Variants in GREB1 observed in about 807,000 individuals in gnomAD.
The protein encoded by GREB1 is growth regulating estrogen receptor binding 1.
A neutral mutation model predicts 200.7 loss-of-function variants in GREB1; 106 were observed. That is an observed-to-expected ratio of 0.53 (90% CI 0.45 to 0.62). The LOEUF (loss-of-function observed/expected upper bound fraction) is 0.62. Among genes scored for constraint, GREB1 ranks in the 20% least tolerant of loss-of-function variants. The pLI is 0.00. For synonymous variants in GREB1, 1,132 were observed against 1,092.4 expected (o/e 1.04, Z -0.72); for missense variants, 2,243 against 2,556.8 (o/e 0.88, Z 2.65).
At chr2:11,550,193 G>C (rs929434041) in intron 1 of GREB1, among the ~76,000 whole-genome samples, 1 of 152,042 alleles carries the variant, frequency 6.6e-6, no homozygotes, top group African/African-American at 2.4e-5. Context: ...CTCCAGTCTG[G>C]GAAACAAGAG....
rs1424943398 is a variant in GREB1 at position 11,598,742 on chromosome 2, G to A, written c.2215G>A (p.Val739Ile). 7 of 1,614,076 alleles carry A rather than the reference G, an allele frequency of 4.3e-6. No individual in the cohort carries two copies. The Admixed American group carries it at 8.3e-5, about 19-fold the overall frequency. The change falls in exon 15 of 33, where the codon GTT (valine) becomes ATT (isoleucine). Residue 739 changes from valine (V) to isoleucine (I), a missense_variant. Physicochemically the swap from Val to Ile is conservative, Grantham distance 29. Transcript: ENST00000381486. The part of the protein sequence containing the change: ...HMTKQRVEQY[V>I]LKLDTEAQTK... ...GACGAAGCAGAGGGTGGAACAGTAT[G>A]TTCTGAAGCTAGACACGGAGGCACA...
chr2:11,538,690 C>CT (rs1674441044), intron 1 of GREB1, among the ~76,000 whole-genome samples: 2 of 72,030 alleles, frequency 2.8e-5, no homozygotes, highest in African/African-American at 4.4e-5. Flanking sequence ...TCTTTCTTTC[C>CT]TTCCTCCCTC....
At chr2:11,626,282 G>A (rs1198530442) in intron 24 of GREB1, among the ~76,000 whole-genome samples, 2 of 151,946 alleles carry the variant, frequency 1.3e-5, no homozygotes, top group Admixed American at 6.6e-5. Flanking sequence ...CTTAATCGGC[G>A]AGGTCATTTG....
intron 30 of GREB1, among the ~76,000 whole-genome samples, 153 bp downstream of exon 30, chr2:11,635,558 G>A (rs574205771): frequency 3.9e-5 from 6 of 152,286 alleles, no homozygotes; most frequent in African/African-American, 4.8e-5. Flanking sequence ...GTTTTTAATC[G>A]GCATTGAGCC....
chr2:11,531,230 AAGCAGATGTTGAGCT>A (rs1385516232), upstream of GREB1, among the ~76,000 whole-genome samples: 2 of 152,110 alleles, frequency 1.3e-5, no homozygotes, highest in African/African-American at 2.4e-5. Context: ...TGACGCATAC[AAGCAGATGTTGAGCT>A]AGAGCCTAGG....
intron 7 of GREB1, among the ~76,000 whole-genome samples, chr2:11,582,650 G>A (rs975389200): frequency 6.6e-6 from 1 of 152,224 alleles, no homozygotes; most frequent in Non-Finnish European, 1.5e-5. Context: ...CGAGGGCAGC[G>A]CCTTGGTCAT....
chr2:11,613,137 C>T (rs1268427924), intron 19 of GREB1, among the ~76,000 whole-genome samples: 3 of 152,288 alleles, frequency 2.0e-5, no homozygotes, highest in Admixed American at 6.5e-5. Flanking sequence ...AGATGTGTCC[C>T]TCTGAATCCA....
At position 11,587,167 on chromosome 2, in the gene GREB1, C is replaced by T. The variant is rs182804961; in HGVS notation, c.1159+1262C>T. Reference sequence around the variant, plus strand: ...GCCTCTCTGTTTACACTGCACCCCTCGCTGTAAAGCCCTCGTCTCCCGGAC... The same window carrying T: ...GCCTCTCTGTTTACACTGCACCCCTTGCTGTAAAGCCCTCGTCTCCCGGAC... On this transcript the variant is annotated intron_variant, in intron 9 of 32. Coordinates refer to ENST00000381486, the MANE Select transcript of GREB1 (RefSeq NM_014668.4). Among the ~76,000 whole-genome samples the T allele has an allele frequency of 3.7e-3, 562 of 152,282 alleles. 5 individuals are homozygous for T. The Middle Eastern group carries it at 0.037, about 10-fold the overall frequency.
At chr2:11,631,052 G>C (rs1684836542) in intron 26 of GREB1, among the ~76,000 whole-genome samples, 1 of 152,182 alleles carries the variant, frequency 6.6e-6, no homozygotes, top group Admixed American at 6.5e-5. Flanking sequence ...GCTGGGGTTG[G>C]GTGTTGCGGT....
At position 11,633,562 on chromosome 2, in the gene GREB1, T is replaced by TAA. The variant is rs567327000; in HGVS notation, c.4991+512_4991+513dup. ...CTGGCAGACAGAGCGAGACTCCGTCTAAAAAAAAAAAAAAGAAAGAAAAAA... is the reference window on the plus strand; with the variant it reads ...CTGGCAGACAGAGCGAGACTCCGTCTAAAAAAAAAAAAAAAAGAAAGAAAAAA... On this transcript the variant is annotated intron_variant, in intron 28 of 32. Transcript: ENST00000381486. This position sits in a 1 kb window ranked among gnomAD's most constrained non-coding sequence, Gnocchi z 4.1. Among the ~76,000 whole-genome samples, 38 of 131,684 alleles carry TAA rather than the reference T, an allele frequency of 2.9e-4. No individual in the cohort carries two copies. The highest frequency in any genetic ancestry group is 1.9e-3 in the Admixed American group (25 of 12,946). The allele number at this position is 131,684 out of a possible 152,430, so 86.4% of individuals were successfully genotyped here.
At chr2:11,593,842 A>T (rs1680968444) in intron 11 of GREB1, among the ~76,000 whole-genome samples, 1 of 152,156 alleles carries the variant, frequency 6.6e-6, no homozygotes, top group Non-Finnish European at 1.5e-5. Flanking sequence ...GGGGGCCCAC[A>T]GGGAGCAGAG....
At chr2:11,583,162 G>A (rs1284623441) in intron 7 of GREB1, among the ~76,000 whole-genome samples, 7 of 152,202 alleles carry the variant, frequency 4.6e-5, no homozygotes, top group African/African-American at 1.7e-4. Flanking sequence ...GGTCTATTTA[G>A]AACTATTTAT....
At chr2:11,603,341 T>G (rs974022619) in intron 17 of GREB1, among the ~76,000 whole-genome samples, 3 of 152,262 alleles carry the variant, frequency 2.0e-5, no homozygotes, top group Admixed American at 2.0e-4. Flanking sequence ...AACCTCATTC[T>G]TCTCATTTGC....
intron 7 of GREB1, among the ~76,000 whole-genome samples, chr2:11,582,566 C>T (rs747159200): frequency 2.0e-5 from 3 of 152,352 alleles, no homozygotes; most frequent in East Asian, 1.9e-4. Flanking sequence ...TGTGAGCTCA[C>T]GGGGCTCCCA....
At chr2:11,620,249 A>G (rs1435482480) in intron 22 of GREB1, among the ~76,000 whole-genome samples, 1 of 152,216 alleles carries the variant, frequency 6.6e-6, no homozygotes, top group Admixed American at 6.5e-5. Context: ...TGCTGGGATT[A>G]CAAGTGTGAG....
intron 1 of GREB1, among the ~76,000 whole-genome samples, chr2:11,498,287 T>C (rs1296851751): frequency 6.6e-6 from 1 of 152,072 alleles, no homozygotes; most frequent in Non-Finnish European, 1.5e-5. Context: ...AAGGTTTAGG[T>C]TTTGTAAAAG....
intron 9 of GREB1, chr2:11,587,750 T>G (rs1486354873): frequency 1.7e-5 from 15 of 886,594 alleles, no homozygotes; most frequent in South Asian, 4.7e-5. Flanking sequence ...CACGCCACCT[T>G]TGGGAGCTCA....
rs751624041 is a variant in GREB1, at chr2:11,578,342, T to C, written c.683T>C (p.Leu228Pro). 6.2e-7 allele frequency: 1 copy of C among 1,614,072 alleles called. No homozygotes were observed. Among genetic ancestry groups the C allele is most frequent in the Admixed American group, 1.7e-5 (1 of 60,012 alleles). ...CCCGCCAGTACTTGTTCCAGTTCCC[T>C]CTTCCCAGCCCTGGAGAGCACGGCT... Reference protein sequence around the residue: ...QIPASTCSSSLFPALESTAAF... With the variant: ...QIPASTCSSSPFPALESTAAF... The change falls in exon 6 of 33, where the codon CTC becomes CCC. Residue 228 changes from leucine to proline, a missense_variant. Physicochemically the swap from Leu to Pro is moderately conservative, Grantham distance 98. Transcript: ENST00000381486.
chr2:11,537,819 T>C (rs1405203598), intron 1 of GREB1, among the ~76,000 whole-genome samples: 1 of 150,202 alleles, frequency 6.7e-6, no homozygotes, highest in Non-Finnish European at 1.5e-5. Context: ...ATATATATGA[T>C]CTCATATATA....
Sources: allele counts gnomAD v4.1 joint callset (sites outside exome capture counted in the v4.1 genomes callset), GRCh38; gene constraint gnomAD v4.1.1; non-coding constraint Gnocchi (gnomAD v3.1); transcripts MANE v1.5; gene names NCBI Gene and HGNC (gene_info 2026-07-23, HGNC 2026-07-21).